MVK: variants seen among roughly 807,000 people sequenced by gnomAD.
MVK encodes mevalonate kinase.
Under a neutral mutation model 43.2 loss-of-function variants are expected in MVK, and 34 were observed. The observed-to-expected ratio is 0.79, with a 90% CI of 0.60 to 1.05. The LOEUF (loss-of-function observed/expected upper bound fraction) is 1.05. Ranked by LOEUF, MVK falls within the 50% of genes least tolerant of loss-of-function variation. The pLI is 0.00. For synonymous variants in MVK, 190 were observed against 219.8 expected (o/e 0.86, Z 1.20); for missense variants, 395 against 504.0 (o/e 0.78, Z 2.07).
In MVK at chr12:109,577,566, C is replaced by G. The variant is rs535345825; in HGVS notation, c.226+1421C>G. ...CTCAAGCAGTTTTCCACTTTCCCACCTTGGGCTCCCAAAGTGCTGGGGTTA... is the reference window on the plus strand; with the variant it reads ...CTCAAGCAGTTTTCCACTTTCCCACGTTGGGCTCCCAAAGTGCTGGGGTTA... On this transcript the variant is annotated intron_variant, in intron 3 of 10. Coordinates refer to ENST00000228510, the MANE Select transcript of MVK (RefSeq NM_000431.4). 5.9e-5 allele frequency among the ~76,000 whole-genome samples: 9 copies of G among 152,280 alleles called. No individual in the cohort carries two copies. The South Asian group carries it at 1.7e-3, about 28-fold the overall frequency.
At chr12:109,577,530 G>A (rs907116405) in intron 3 of MVK, among the ~76,000 whole-genome samples, 23 of 152,190 alleles carry the variant, frequency 1.5e-4, no homozygotes, top group African/African-American at 5.1e-4. Flanking sequence ...GGCTGGTCTG[G>A]AACTCCTGGG....
At position 109,596,704 on chromosome 12, in the gene MVK, T is replaced by C. The variant is rs1161359523; in HGVS notation, c.*127T>C. 1 of 1,350,200 alleles carries C rather than the reference T, an allele frequency of 7.4e-7. No homozygotes were observed. The highest frequency in any genetic ancestry group is 1.0e-6 in the Non-Finnish European group (1 of 978,924). The allele number at this position is 1,350,200 out of a possible 1,614,324, so 83.6% of individuals were successfully genotyped here. Reference sequence around the variant, plus strand: ...ACACTGCTGGAGAGGCCCCAGCCGCTTGGCGATGCCAGCCAAGCTCTGCAG... The same window carrying C: ...ACACTGCTGGAGAGGCCCCAGCCGCCTGGCGATGCCAGCCAAGCTCTGCAG... On this transcript the variant is annotated 3_prime_UTR_variant, in exon 11 of 11. Coordinates refer to ENST00000228510, the MANE Select transcript of MVK (RefSeq NM_000431.4).
chr12:109,583,028 TG>T (rs1224262126), intron 5 of MVK, among the ~76,000 whole-genome samples: 1 of 152,162 alleles, frequency 6.6e-6, no homozygotes, highest in African/African-American at 2.4e-5. Flanking sequence ...TTTTTGTTTT[TG>T]TTTTTTTAAC....
At chr12:109,592,949 C>A (rs1018330072) in intron 9 of MVK, among the ~76,000 whole-genome samples, 1 of 152,188 alleles carries the variant, frequency 6.6e-6, no homozygotes, top group African/African-American at 2.4e-5. Context: ...CCTGTCGAGT[C>A]CCTGGAGAAT....
intron 4 of MVK, among the ~76,000 whole-genome samples, chr12:109,580,891 C>T (rs1330579878): frequency 6.6e-6 from 1 of 151,162 alleles, no homozygotes; most frequent in Non-Finnish European, 1.5e-5. Flanking sequence ...GGTGAGGCAG[C>T]GGTGGAGGGA....
rs192565863 is a variant in MVK, at chr12:109,593,214, T to G, written c.886-1814T>G. Among the ~76,000 whole-genome samples, 436 of 152,342 alleles carry G rather than the reference T, an allele frequency of 2.9e-3. 4 individuals are homozygous for G. The highest frequency in any genetic ancestry group is 0.01 in the African/African-American group (424 of 41,580). On this transcript the variant is annotated intron_variant, in intron 9 of 10. Coordinates refer to ENST00000228510, the MANE Select transcript of MVK (RefSeq NM_000431.4). The stretch of plus-strand genomic sequence containing the variant: ...GAAGTCTTCTCTCACATCCAGCCCA[T>G]CAGGCTGGTGAGAGGCACCCGGGGC...
upstream of MVK, chr12:109,573,505 G>A (rs1263229592): frequency 3.8e-6 from 6 of 1,584,738 alleles, no homozygotes; most frequent in East Asian, 9.1e-5. Context: ...GACGGGACCT[G>A]ACCCCGCCAG....
rs546998070 is a variant in MVK at position 109,592,478 on chromosome 12, C to T, written c.885+1121C>T. Among the ~76,000 whole-genome samples, 148 of 152,328 alleles carry T rather than the reference C, an allele frequency of 9.7e-4. 1 individual carries two copies. Among genetic ancestry groups the T allele is most frequent in the Non-Finnish European group, 1.4e-3 (92 of 68,028 alleles). On this transcript the variant is annotated intron_variant, in intron 9 of 10. Coordinates refer to ENST00000228510, the MANE Select transcript of MVK (RefSeq NM_000431.4). ...TCCATGTCACCACAGTCCCTCCCCGCGCCCCGCACTCTGTAGTCATTGCCT... is the reference window on the plus strand; with the variant it reads ...TCCATGTCACCACAGTCCCTCCCCGTGCCCCGCACTCTGTAGTCATTGCCT...
At chr12:109,586,958 G>A (rs949197398) in intron 7 of MVK, 159 bp downstream of exon 7, 1 of 816,900 alleles carries the variant, frequency 1.2e-6, no homozygotes, top group Non-Finnish European at 2.0e-6. Context: ...GGAAGCAGGG[G>A]TGGTGGGGAA....
intron 8 of MVK, 50 bp downstream of exon 8, chr12:109,590,911 T>A: frequency 6.3e-7 from 1 of 1,580,992 alleles, no homozygotes; most frequent in South Asian, 1.1e-5. Context: ...CAGGACACAA[T>A]TACATCTGGA....
In MVK at chr12:109,586,081, T is replaced by C; in HGVS notation, c.587T>C (p.Ile196Thr). The change falls in exon 6 of 11, where the codon ATT (isoleucine) becomes ACT (threonine). Residue 196 changes from isoleucine to threonine, a missense_variant. By Grantham distance (89) the Ile-to-Thr change is moderately conservative. Transcript: ENST00000228510. ...TGGGCCTTCCAAGGGGAGAGAATGA[T>C]TCACGGGAACCCCTCCGGAGTGGAC... ...NKWAFQGERM[I>T]HGNPSGVDNA... 2 of 1,614,214 alleles carry C rather than the reference T, an allele frequency of 1.2e-6. No homozygotes were observed. Among genetic ancestry groups the C allele is most frequent in the Non-Finnish European group, 1.7e-6 (2 of 1,180,024 alleles).
upstream of MVK, chr12:109,573,433 A>G (rs1167519918): frequency 6.2e-7 from 1 of 1,607,296 alleles, no homozygotes; most frequent in African/African-American, 1.3e-5. Context: ...CGCGCAGGCC[A>G]AGACGGCTCC....
chr12:109,587,757 G>T (rs1033435175), intron 7 of MVK: 1 of 152,456 alleles, frequency 6.6e-6, no homozygotes, highest in Admixed American at 6.5e-5. Context: ...CCCCCGGCTA[G>T]TTCTCTGGGA....
intron 9 of MVK, among the ~76,000 whole-genome samples, chr12:109,594,280 T>C (rs1885817553): frequency 6.6e-6 from 1 of 152,188 alleles, no homozygotes; most frequent in Admixed American, 6.5e-5. Context: ...GAAGTTTTAT[T>C]TTTTCATCCA....
At chr12:109,579,061 C>A in intron 3 of MVK, 2 of 316,610 alleles carry the variant, frequency 6.3e-6, no homozygotes, top group South Asian at 4.8e-5. Context: ...GAAGGTGAAA[C>A]CTAGGCCCTT....
chr12:109,580,043 T>G, intron 4 of MVK, 97 bp downstream of exon 4: 2 of 1,535,524 alleles, frequency 1.3e-6, no homozygotes, highest in Non-Finnish European at 1.8e-6. Flanking sequence ...ACATGCTCTC[T>G]TCTAGAGCAG....
intron 7 of MVK, 25 bp downstream of exon 7, chr12:109,586,824 T>C: frequency 1.2e-6 from 2 of 1,613,348 alleles, no homozygotes; most frequent in African/African-American, 1.3e-5. Context: ...GAGCAGCACA[T>C]TCAGCCATGG....
At chr12:109,589,790 C>T (rs1360427150) in intron 7 of MVK, 1 of 152,308 alleles carries the variant, frequency 6.6e-6, no homozygotes, top group Non-Finnish European at 1.5e-5. Context: ...CCAAATCCCC[C>T]ACCTTCCATC....
chr12:109,578,932 C>T (rs1304096906), intron 3 of MVK, among the ~76,000 whole-genome samples: 1 of 152,192 alleles, frequency 6.6e-6, no homozygotes, highest in African/African-American at 2.4e-5. Context: ...CTCACCTTCC[C>T]CTTCTGCCCA....
Sources: allele counts gnomAD v4.1 joint callset (sites outside exome capture counted in the v4.1 genomes callset), GRCh38; gene constraint gnomAD v4.1.1; transcripts MANE v1.5; gene names NCBI Gene and HGNC (gene_info 2026-07-23, HGNC 2026-07-21).